PTPRO: variants seen among roughly 807,000 people sequenced by gnomAD.
The protein encoded by PTPRO is receptor-type tyrosine-protein phosphatase O.
PTPRO carries 62 observed loss-of-function variants against 145.2 expected under a neutral mutation model. The observed-to-expected ratio is 0.43, with a 90% CI of 0.35 to 0.53. The LOEUF (loss-of-function observed/expected upper bound fraction) is 0.53. Ranked by LOEUF, PTPRO falls within the 20% of genes least tolerant of loss-of-function variation. The pLI is 0.01. For missense variants in PTPRO, 1,345 were observed against 1,482.7 expected, an observed-to-expected ratio of 0.91 and a Z score of 1.53; for synonymous variants, 565 against 514.7, an observed-to-expected ratio of 1.10 and a Z score of -1.32.
intron 1 of PTPRO, among the ~76,000 whole-genome samples, chr12:15,474,358 C>T (rs1458463467): frequency 6.6e-6 from 1 of 152,176 alleles, no homozygotes; most frequent in African/African-American, 2.4e-5. Context: ...CCGAAGACTG[C>T]TTCCAGAACA....
chr12:15,427,829 T>C (rs1211378084), intron 1 of PTPRO, among the ~76,000 whole-genome samples: 1 of 152,088 alleles, frequency 6.6e-6, no homozygotes, highest in African/African-American at 2.4e-5. Flanking sequence ...ACTTTTGAGT[T>C]TTTTTCTGTT....
intron 1 of PTPRO, among the ~76,000 whole-genome samples, chr12:15,339,317 G>C (rs1866888721): frequency 6.6e-6 from 1 of 152,154 alleles, no homozygotes; most frequent in East Asian, 1.9e-4. Flanking sequence ...GACAGATTCA[G>C]GTCCTGAGGA....
At chr12:15,335,837 C>T (rs1337102142) in intron 1 of PTPRO, among the ~76,000 whole-genome samples, 2 of 151,978 alleles carry the variant, frequency 1.3e-5, no homozygotes, top group Non-Finnish European at 2.9e-5. Flanking sequence ...ATGCTATTAC[C>T]TTGGTTCATT....
intron 1 of PTPRO, among the ~76,000 whole-genome samples, chr12:15,445,026 T>C (rs948837255): frequency 6.6e-6 from 1 of 152,166 alleles, no homozygotes; most frequent in Non-Finnish European, 1.5e-5. Flanking sequence ...TGTCATATAA[T>C]GCAATCACTT....
intron 1 of PTPRO, among the ~76,000 whole-genome samples, chr12:15,379,871 A>G (rs1167595674): frequency 6.6e-6 from 1 of 152,202 alleles, no homozygotes; most frequent in East Asian, 1.9e-4. Flanking sequence ...TGCACAACCC[A>G]GGTAATATCC....
At chr12:15,539,050 T>C (rs1043685443) in intron 12 of PTPRO, among the ~76,000 whole-genome samples, 36 of 152,018 alleles carry the variant, frequency 2.4e-4, no homozygotes, top group Admixed American at 1.3e-4. Context: ...TTGCAATATA[T>C]GACTCCTAAC....
At chr12:15,422,809 C>G (rs1004838304) in intron 1 of PTPRO, among the ~76,000 whole-genome samples, 18 of 152,120 alleles carry the variant, frequency 1.2e-4, no homozygotes, top group African/African-American at 4.1e-4. Context: ...AGTGATTTAT[C>G]AAAGGAAGCA....
intron 17 of PTPRO, among the ~76,000 whole-genome samples, chr12:15,563,901 T>C (rs1403070096): frequency 6.6e-6 from 1 of 152,196 alleles, no homozygotes; most frequent in African/African-American, 2.4e-5. Flanking sequence ...GACATTCTGC[T>C]TTCCGAAAGC....
At position 15,520,312 on chromosome 12, in the gene PTPRO, G is replaced by C. The variant is rs745828592; in HGVS notation, c.1891G>C (p.Ala631Pro). The change falls in exon 10 of 27, where the codon GCC becomes CCC. Residue 631 changes from alanine (A) to proline (P), a missense_variant and splice_region_variant. This residue lies in a region of PTPRO where 1,130 missense variants were observed against 1,214.7 expected (regional missense o/e 0.93). Transcript: ENST00000281171. ...CAGCTCTACCATCAGCTTCATAACA[G>C]GTGAGGCATGTGTGGGGAACAGTTC... ...CDSSTISFIT[A>P]PVAPEITSVE... 3 of 1,602,316 alleles carry C rather than the reference G, an allele frequency of 1.9e-6. No individual in the cohort carries two copies. Among genetic ancestry groups the C allele is most frequent in the Non-Finnish European group, 2.6e-6 (3 of 1,169,508 alleles).
At chr12:15,403,596 C>A (rs1939562993) in intron 1 of PTPRO, among the ~76,000 whole-genome samples, 1 of 151,936 alleles carries the variant, frequency 6.6e-6, no homozygotes, top group Non-Finnish European at 1.5e-5. Flanking sequence ...AACATACAAA[C>A]AAAAAATACT....
intron 12 of PTPRO, among the ~76,000 whole-genome samples, chr12:15,539,701 G>A (rs983210843): frequency 7.6e-5 from 11 of 143,890 alleles, no homozygotes; most frequent in East Asian, 4.2e-4. Flanking sequence ...GGCGGAGGTC[G>A]CTGTGAGCTG....
At chr12:15,518,514 C>T (rs1468340306) in intron 9 of PTPRO, among the ~76,000 whole-genome samples, 1 of 152,198 alleles carries the variant, frequency 6.6e-6, no homozygotes, top group Non-Finnish European at 1.5e-5. Flanking sequence ...TTGAATTTCT[C>T]CTCAGAAAAT....
intron 15 of PTPRO, among the ~76,000 whole-genome samples, chr12:15,553,088 C>T (rs1943514498): frequency 6.6e-6 from 1 of 152,176 alleles, no homozygotes; most frequent in South Asian, 2.1e-4. Flanking sequence ...GCGTGAGTCA[C>T]CATGCTCGGC....
rs57418549 is a variant in PTPRO at position 15,329,094 on chromosome 12, C to T, written c.75+6293C>T. Among the ~76,000 whole-genome samples, 613 of 152,230 alleles carry T rather than the reference C, an allele frequency of 4.0e-3. 2 individuals carry two copies. The highest frequency in any genetic ancestry group is 0.015 in the East Asian group (78 of 5,178). On this transcript the variant is annotated intron_variant, in intron 1 of 26. Transcript: ENST00000281171. The stretch of plus-strand genomic sequence containing the variant: ...TTTTTAATATCAGTGATTTATATAA[C>T]GGGTGAGGAAAGGCGTCATATGACT...
At chr12:15,539,215 T>C (rs1943127857) in intron 12 of PTPRO, among the ~76,000 whole-genome samples, 1 of 151,762 alleles carries the variant, frequency 6.6e-6, no homozygotes. Flanking sequence ...ACAATGTATG[T>C]TATGTGGGTA....
chr12:15,455,791 G>A (rs948669879), intron 1 of PTPRO, among the ~76,000 whole-genome samples: 4 of 152,148 alleles, frequency 2.6e-5, no homozygotes, highest in African/African-American at 7.2e-5. Context: ...ATCAGGTAAT[G>A]TCATCTGCAA....
In PTPRO at chr12:15,497,354, G is replaced by A; in HGVS notation, c.459G>A (p.Val153=). ...AAAAATATAACGTTTTCACAAGAGTGAACATTAGCTACTGGGAAGGTAAAG... is the reference window on the plus strand; with the variant it reads ...AAAAATATAACGTTTTCACAAGAGTAAACATTAGCTACTGGGAAGGTAAAG... ...YPEKYNVFTR[V]NISYWEGKDF... Residue 153 remains valine, a synonymous_variant, in exon 3 of 27, where the codon GTG becomes GTA. Transcript: ENST00000281171. 6.2e-7 allele frequency: 1 copy of A among 1,613,136 alleles called. No individual in the cohort carries two copies. Among genetic ancestry groups the A allele is most frequent in the Non-Finnish European group, 8.5e-7 (1 of 1,179,320 alleles).
At position 15,322,621 on chromosome 12, in the gene PTPRO, C is replaced by G. The variant is rs1866326360; in HGVS notation, c.-106C>G. Reference sequence around the variant, plus strand: ...GGCAGCATGCGCTCGCCAGGAGCAACCTCGGCGCCCAGGGTCTGAGGCTGC... The same window carrying G: ...GGCAGCATGCGCTCGCCAGGAGCAAGCTCGGCGCCCAGGGTCTGAGGCTGC... On this transcript the variant is annotated 5_prime_UTR_variant, in exon 1 of 27. Coordinates refer to ENST00000281171, the MANE Select transcript of PTPRO (RefSeq NM_030667.3). This position sits in a 1 kb window ranked among gnomAD's most constrained non-coding sequence, Gnocchi z 6.3. The G allele has an allele frequency of 3.1e-6, 3 of 970,650 alleles. No individual in the cohort carries two copies. In the African/African-American group the frequency reaches 4.9e-5, roughly 16 times the overall value. The allele number at this position is 970,650 out of a possible 1,614,324, so 60.1% of individuals were successfully genotyped here. A position where few individuals can be genotyped will look rare whatever the true frequency, so the allele number is the denominator to read the frequency against.
intron 1 of PTPRO, among the ~76,000 whole-genome samples, chr12:15,474,591 T>C (rs1157402184): frequency 1.3e-5 from 2 of 152,224 alleles, no homozygotes; most frequent in Non-Finnish European, 2.9e-5. Flanking sequence ...ATCACTACAT[T>C]AAATTTGTTA....
Sources: allele counts gnomAD v4.1 joint callset (sites outside exome capture counted in the v4.1 genomes callset), GRCh38; gene constraint gnomAD v4.1.1; regional missense constraint gnomAD v4.1.1; non-coding constraint Gnocchi (gnomAD v3.1); transcripts MANE v1.5; gene names NCBI Gene and HGNC (gene_info 2026-07-23, HGNC 2026-07-21).